Variants in KCNH7 observed in about 807,000 individuals in gnomAD.
The protein encoded by KCNH7 is potassium voltage-gated channel subfamily H member 7.
In KCNH7, 49 loss-of-function variants were observed where a neutral mutation model predicts 120.8. The observed-to-expected ratio is 0.41, with a 90% CI of 0.32 to 0.51. The LOEUF (loss-of-function observed/expected upper bound fraction) is 0.51, where lower values mean the gene tolerates loss of function less well. Among genes scored for constraint, KCNH7 ranks in the 20% least tolerant of loss-of-function variants. KCNH7 has a pLI of 0.38. For synonymous variants in KCNH7, 547 were observed against 516.1 expected, an observed-to-expected ratio of 1.06 and a Z score of -0.81; for missense variants, 1,097 against 1,446.6, an observed-to-expected ratio of 0.76 and a Z score of 3.92.
chr2:162,502,875 A>G (rs1166961257), intron 6 of KCNH7, among the ~76,000 whole-genome samples: 1 of 152,032 alleles, frequency 6.6e-6, no homozygotes, highest in African/African-American at 2.4e-5. Context: ...GAGATCCCAC[A>G]TGGCTGCACA....
intron 2 of KCNH7, among the ~76,000 whole-genome samples, chr2:162,804,058 TTGA>T (rs1283402131): frequency 1.3e-5 from 2 of 151,874 alleles, no homozygotes; most frequent in African/African-American, 4.8e-5. Flanking sequence ...GAATAGGTAG[TTGA>T]TGAGCAAAAA....
intron 2 of KCNH7, among the ~76,000 whole-genome samples, chr2:162,794,246 A>AGAAG (rs201961412): frequency 5.9e-5 from 9 of 151,510 alleles, no homozygotes; most frequent in African/African-American, 9.7e-5. Context: ...CAGGAGGGAG[A>AGAAG]GAAGGAAGGA....
At chr2:162,705,492 A>G (rs1457587958) in intron 2 of KCNH7, among the ~76,000 whole-genome samples, 1 of 152,104 alleles carries the variant, frequency 6.6e-6, no homozygotes, top group Non-Finnish European at 1.5e-5. Context: ...GGTAGATTCA[A>G]GTCATTTGCC....
At chr2:162,750,352 T>TA (rs959689408) in intron 2 of KCNH7, among the ~76,000 whole-genome samples, 4 of 151,432 alleles carry the variant, frequency 2.6e-5, no homozygotes, top group South Asian at 2.1e-4. Flanking sequence ...ATTTAAAAAA[T>TA]AAAAAAAACT....
intron 2 of KCNH7, among the ~76,000 whole-genome samples, chr2:162,571,578 G>A (rs574232030): frequency 0.018 from 2,690 of 148,862 alleles, 36 homozygotes; most frequent in Non-Finnish European, 0.027. Flanking sequence ...AAAAGAGCCT[G>A]CATCGCCAAG....
intron 2 of KCNH7, among the ~76,000 whole-genome samples, chr2:162,612,296 G>A (rs1682995311): frequency 6.6e-6 from 1 of 152,050 alleles, no homozygotes; most frequent in African/African-American, 2.4e-5. Context: ...TATATCAGCA[G>A]GTACCACACA....
intron 2 of KCNH7, among the ~76,000 whole-genome samples, chr2:162,538,497 G>A (rs915600702): frequency 1.2e-4 from 19 of 152,036 alleles, no homozygotes; most frequent in African/African-American, 4.6e-4. Flanking sequence ...GCAAGTGCCA[G>A]GACCCCTGGA....
In KCNH7 at chr2:162,582,241, C is replaced by T. The variant is rs1269026491; in HGVS notation, c.308-45161G>A. Among the ~76,000 whole-genome samples the T allele has an allele frequency of 2.6e-5, 4 of 151,988 alleles. No individual in the cohort carries two copies. In the South Asian group the frequency reaches 6.2e-4, roughly 24 times the overall value. ...TGATGTTAAGCTGAGATTTGCTGCC[C>T]AAAAACATTAATCACAACCGGCTAT... On this transcript the variant is annotated intron_variant, in intron 2 of 15. Transcript: ENST00000332142.
chr2:162,601,089 T>C (rs1327061289), intron 2 of KCNH7, among the ~76,000 whole-genome samples: 4 of 152,096 alleles, frequency 2.6e-5, no homozygotes, highest in African/African-American at 7.2e-5. Flanking sequence ...ATTGTTCATA[T>C]CAATACTCTT....
At chr2:162,694,465 T>C (rs1686218904) in intron 2 of KCNH7, among the ~76,000 whole-genome samples, 1 of 145,942 alleles carries the variant, frequency 6.9e-6, no homozygotes, top group Admixed American at 6.7e-5. Flanking sequence ...TGCGTGTGGG[T>C]ATGTGTGAAA....
intron 8 of KCNH7, among the ~76,000 whole-genome samples, chr2:162,429,297 G>A (rs185291864): frequency 0.01 from 1,465 of 146,046 alleles, 12 homozygotes; most frequent in Non-Finnish European, 0.013. Flanking sequence ...TTCTACATAT[G>A]TTATAAAACC....
chr2:162,816,083 A>C (rs1306807059), intron 2 of KCNH7, among the ~76,000 whole-genome samples: 1 of 151,828 alleles, frequency 6.6e-6, no homozygotes, highest in Non-Finnish European at 1.5e-5. Context: ...ACATGGAGAA[A>C]CCCATCTCTA....
At chr2:162,802,401 G>A (rs372938684) in intron 2 of KCNH7, among the ~76,000 whole-genome samples, 3 of 151,738 alleles carry the variant, frequency 2.0e-5, no homozygotes, top group Admixed American at 1.3e-4. Flanking sequence ...AAGAGCAGAC[G>A]ACTTTTGTTA....
chr2:162,549,730 AATAAG>A (rs1270196223), intron 2 of KCNH7, among the ~76,000 whole-genome samples: 2 of 152,224 alleles, frequency 1.3e-5, no homozygotes, highest in African/African-American at 4.8e-5. Flanking sequence ...ATTAAAACTT[AATAAG>A]ATAAGAATTA....
intron 2 of KCNH7, among the ~76,000 whole-genome samples, chr2:162,829,844 T>C (rs1335940198): frequency 1.5e-5 from 2 of 129,996 alleles, no homozygotes; most frequent in East Asian, 2.3e-4. Context: ...TTGTTAACTT[T>C]ATCTGTTTTT....
intron 2 of KCNH7, among the ~76,000 whole-genome samples, chr2:162,592,548 G>C (rs551361616): frequency 6.6e-6 from 1 of 152,136 alleles, no homozygotes; most frequent in South Asian, 2.1e-4. Context: ...AGCATGAACA[G>C]GTGTCAGGAC....
At chr2:162,624,541 C>T (rs1683476282) in intron 2 of KCNH7, among the ~76,000 whole-genome samples, 1 of 152,118 alleles carries the variant, frequency 6.6e-6, no homozygotes, top group East Asian at 1.9e-4. Context: ...CTGTCATTAA[C>T]CACCAGACAA....
At chr2:162,663,932 C>T (rs1262730245) in intron 2 of KCNH7, among the ~76,000 whole-genome samples, 1 of 152,106 alleles carries the variant, frequency 6.6e-6, no homozygotes, top group Non-Finnish European at 1.5e-5. Context: ...GACAAATCTG[C>T]AATATTTTCT....
At chr2:162,808,190 T>C (rs1373814680) in intron 2 of KCNH7, among the ~76,000 whole-genome samples, 2 of 152,246 alleles carry the variant, frequency 1.3e-5, no homozygotes, top group Admixed American at 1.3e-4. Context: ...AATGTAATGC[T>C]ATGTAAATAG....
Sources: allele counts gnomAD v4.1 joint callset (sites outside exome capture counted in the v4.1 genomes callset), GRCh38; gene constraint gnomAD v4.1.1; transcripts MANE v1.5; gene names NCBI Gene and HGNC (gene_info 2026-07-23, HGNC 2026-07-21).